The following ZNF738 variants were observed in gnomAD, a reference collection of about 807,000 sequenced individuals.
ZNF738 encodes zinc finger protein 738.
A neutral mutation model predicts 9.2 loss-of-function variants in ZNF738; 10 were observed. The ratio of observed to expected loss-of-function variants is 1.09; its 90% confidence interval spans 0.67 to 1.85. The LOEUF is 1.85. Ranked by LOEUF, ZNF738 falls within the 40% of genes most tolerant of loss-of-function variation. The probability of loss-of-function intolerance (pLI) is 0.00; values close to 1 mark genes in which losing one functional copy is unlikely to be tolerated. For missense variants in ZNF738, 346 were observed against 283.6 expected (o/e 1.22, Z -1.58); for synonymous variants, 113 against 94.5 (o/e 1.20, Z -1.14).
At chr19:21,381,586 C>G (rs1352508981) in intron 4 of ZNF738, 1 of 584,084 alleles carries the variant, frequency 1.7e-6, no homozygotes, top group East Asian at 3.0e-5. Flanking sequence ...CTCCGTCTCC[C>G]GGGTTCACGC....
At position 21,377,421 on chromosome 19, in the gene ZNF738, A is replaced by T. The variant is rs1162663322; in HGVS notation, c.319+1457A>T. On this transcript the variant is annotated intron_variant, in intron 4 of 4. Coordinates refer to ENST00000683779, the MANE Select transcript of ZNF738 (RefSeq NM_001355237.2). Reference sequence around the variant, plus strand: ...GGTATTGAAATTTCCTACTATAATTATATTGCTGTCTAGGTGTTTCTTCCA... The same window carrying T: ...GGTATTGAAATTTCCTACTATAATTTTATTGCTGTCTAGGTGTTTCTTCCA... The T allele has an allele frequency of 5.7e-6, 4 of 707,606 alleles. No individual in the cohort carries two copies. The African/African-American group carries it at 7.0e-5, about 12-fold the overall frequency. The allele number at this position is 707,606 out of a possible 1,614,324, so 43.8% of individuals were successfully genotyped here.
At chr19:21,364,738 CTTTCTT>C (rs1334156836) in intron 2 of ZNF738, among the ~76,000 whole-genome samples, 5 of 86,162 alleles carry the variant, frequency 5.8e-5, no homozygotes, top group Admixed American at 3.7e-4. Flanking sequence ...TTTTATGGTT[CTTTCTT>C]TTTTTTTTTT....
intron 1 of ZNF738, 73 bp downstream of exon 1, chr19:21,359,216 A>G: frequency 2.1e-6 from 2 of 953,224 alleles, no homozygotes; most frequent in Middle Eastern, 2.1e-4. Flanking sequence ...GGCTGTGGCG[A>G]GACTCAGGCC....
At position 21,377,789 on chromosome 19, in the gene ZNF738, G is replaced by A. The variant is rs528682274; in HGVS notation, c.319+1825G>A. 4 of 356,864 alleles carry A rather than the reference G, an allele frequency of 1.1e-5. No individual in the cohort carries two copies. In the East Asian group the frequency reaches 1.6e-4, roughly 14 times the overall value. 22.1% of individuals were successfully genotyped at this position (356,864 alleles called of 1,614,324 possible). A position where few individuals can be genotyped will look rare whatever the true frequency, so the allele number is the denominator to read the frequency against. On this transcript the variant is annotated intron_variant, in intron 4 of 4. Coordinates refer to ENST00000683779, the MANE Select transcript of ZNF738 (RefSeq NM_001355237.2). ...GCTGACCCTTGTAGAAAGGCAAATTGGATCTTGGTTTTTAATAATTTTAAA... is the reference window on the plus strand; with the variant it reads ...GCTGACCCTTGTAGAAAGGCAAATTAGATCTTGGTTTTTAATAATTTTAAA...
chr19:21,365,266 A>G (rs1411500186), intron 2 of ZNF738, among the ~76,000 whole-genome samples: 1 of 152,096 alleles, frequency 6.6e-6, no homozygotes, highest in Non-Finnish European at 1.5e-5. Flanking sequence ...CTGTTTTGCC[A>G]GCCAGGTCTT....
chr19:21,366,187 A>G (rs1482895008), intron 2 of ZNF738, among the ~76,000 whole-genome samples: 1 of 152,212 alleles, frequency 6.6e-6, no homozygotes, highest in Non-Finnish European at 1.5e-5. Context: ...AGATTAATCC[A>G]AAAAGAATAG....
chr19:21,377,650 A>G (rs1193496596), intron 4 of ZNF738: 1 of 460,702 alleles, frequency 2.2e-6, no homozygotes. Flanking sequence ...TTGACTTAAG[A>G]TGTGGCTTTT....
chr19:21,365,215 A>G (rs1341681022), intron 2 of ZNF738, among the ~76,000 whole-genome samples: 1 of 152,038 alleles, frequency 6.6e-6, no homozygotes, highest in East Asian at 1.9e-4. Context: ...ACTCATTGCC[A>G]TCTTGGTTTT....
rs181988915 is a variant in ZNF738 at position 21,382,905 on chromosome 19, C to T, written c.359C>T (p.Pro120Leu). The T allele has an allele frequency of 2.4e-4, 124 of 526,960 alleles. No individual in the cohort carries two copies. The highest frequency in any genetic ancestry group is 9.4e-4 in the Admixed American group (35 of 37,160). The allele number at this position is 526,960 out of a possible 1,614,324, so 32.6% of individuals were successfully genotyped here. ...TTTGCCCAGGACCTTTGGCCACAGC[C>T]GGGCATAAAAGATTCTTTCCAAAAA... The part of the protein sequence containing the change: ...SHFAQDLWPQ[P>L]GIKDSFQKVI... The change falls in exon 5 of 5, where the codon CCG (proline) becomes CTG (leucine). Residue 120 changes from proline (P) to leucine (L), a missense_variant. By Grantham distance (98) the Pro-to-Leu change is moderately conservative. Transcript: ENST00000683779.
At position 21,375,351 on chromosome 19, in the gene ZNF738, C is replaced by A; in HGVS notation, c.210C>A (p.Asn70Lys). ...AAGTGATGTTAGAGAACTTCAGAAA[C>A]CTGGTGTTCTTGGGTGAGAATAACT... ...YRKVMLENFR[N>K]LVFLGIDVSK... Residue 70 changes from asparagine (N) to lysine (K), a missense_variant, in exon 3 of 5, where the codon AAC becomes AAA. Transcript: ENST00000683779. 1 of 905,932 alleles carries A rather than the reference C, an allele frequency of 1.1e-6. No homozygotes were observed. The highest frequency in any genetic ancestry group is 1.8e-6 in the Non-Finnish European group (1 of 542,200). The allele number at this position is 905,932 out of a possible 1,614,324, so 56.1% of individuals were successfully genotyped here. A position where few individuals can be genotyped will look rare whatever the true frequency, so the allele number is the denominator to read the frequency against.
intron 2 of ZNF738, among the ~76,000 whole-genome samples, chr19:21,362,685 A>T (rs867368260): frequency 6.6e-6 from 1 of 152,210 alleles, no homozygotes; most frequent in Non-Finnish European, 1.5e-5. Context: ...CAAAGGGCAT[A>T]AAAGACGTGG....
chr19:21,379,591 C>A (rs1361547593), intron 4 of ZNF738, among the ~76,000 whole-genome samples: 1 of 152,184 alleles, frequency 6.6e-6, no homozygotes, highest in Non-Finnish European at 1.5e-5. Flanking sequence ...AATTATACCA[C>A]CATTTCTTTC....
intron 2 of ZNF738, among the ~76,000 whole-genome samples, chr19:21,375,023 A>G (rs1462635813): frequency 6.6e-6 from 1 of 152,142 alleles, no homozygotes; most frequent in Admixed American, 6.6e-5. Flanking sequence ...TAAAATTATC[A>G]TATATACAGC....
intron 2 of ZNF738, among the ~76,000 whole-genome samples, chr19:21,364,231 A>G: frequency 6.6e-6 from 1 of 150,868 alleles, no homozygotes; most frequent in Non-Finnish European, 1.5e-5. Context: ...GAGCATTGCA[A>G]CAGGAGGAAT....
rs550655156 is a variant in ZNF738 at position 21,385,142 on chromosome 19, G to C, written c.*1468G>C. Among the ~76,000 whole-genome samples, 1 of 148,030 alleles carries C rather than the reference G, an allele frequency of 6.8e-6. No individual in the cohort carries two copies. Among genetic ancestry groups the C allele is most frequent in the South Asian group, 2.2e-4 (1 of 4,554 alleles). Reference sequence around the variant, plus strand: ...GAGGCAGGCAGATCACCTGGTCAATGGTCCTCTACCCTTACTAAAGATAAA... The same window carrying C: ...GAGGCAGGCAGATCACCTGGTCAATCGTCCTCTACCCTTACTAAAGATAAA... On this transcript the variant is annotated 3_prime_UTR_variant, in exon 5 of 5. Transcript: ENST00000683779.
In ZNF738 at chr19:21,363,846, C is replaced by T. The variant is rs192563504; in HGVS notation, c.96+1988C>T. Reference sequence around the variant, plus strand: ...GAGGTTGCAGTGAGCCGATAACGGTCCCACTGCACTCCAGACTGGGTGACA... The same window carrying T: ...GAGGTTGCAGTGAGCCGATAACGGTTCCACTGCACTCCAGACTGGGTGACA... On this transcript the variant is annotated intron_variant, in intron 2 of 4. Coordinates refer to ENST00000683779, the MANE Select transcript of ZNF738 (RefSeq NM_001355237.2). 1.1e-3 allele frequency among the ~76,000 whole-genome samples: 160 copies of T among 148,288 alleles called. 3 individuals carry two copies. Among genetic ancestry groups the T allele is most frequent in the Admixed American group, 5.6e-3 (82 of 14,712 alleles).
At position 21,375,357 on chromosome 19, in the gene ZNF738, G is replaced by C. The variant is rs754721337; in HGVS notation, c.216G>C (p.Val72=). The part of the protein sequence containing the change: ...KVMLENFRNL[V]FLGIDVSKPD... ...TGTTAGAGAACTTCAGAAACCTGGT[G>C]TTCTTGGGTGAGAATAACTTTAATA... Residue 72 remains valine, a synonymous_variant, in exon 3 of 5, where the codon GTG becomes GTC. Coordinates refer to ENST00000683779, the MANE Select transcript of ZNF738 (RefSeq NM_001355237.2). 1 of 861,772 alleles carries C rather than the reference G, an allele frequency of 1.2e-6. No individual in the cohort carries two copies. Among genetic ancestry groups the C allele is most frequent in the Non-Finnish European group, 2.0e-6 (1 of 508,320 alleles). 53.4% of individuals were successfully genotyped at this position (861,772 alleles called of 1,614,324 possible). A position where few individuals can be genotyped will look rare whatever the true frequency, so the allele number is the denominator to read the frequency against.
chr19:21,366,683 A>G (rs1468409465), intron 2 of ZNF738, among the ~76,000 whole-genome samples: 2 of 152,184 alleles, frequency 1.3e-5, no homozygotes, highest in Non-Finnish European at 2.9e-5. Context: ...GCACATTTTT[A>G]TGTTTACTTT....
intron 4 of ZNF738, among the ~76,000 whole-genome samples, chr19:21,380,975 A>G (rs187911580): frequency 2.0e-5 from 3 of 152,318 alleles, no homozygotes; most frequent in South Asian, 4.1e-4. Context: ...TGTTTCTAAA[A>G]CAAAGGATAT....
Sources: allele counts gnomAD v4.1 joint callset (sites outside exome capture counted in the v4.1 genomes callset), GRCh38; gene constraint gnomAD v4.1.1; transcripts MANE v1.5; gene names NCBI Gene and HGNC (gene_info 2026-07-23, HGNC 2026-07-21).